ZSWIM8: variants seen among roughly 807,000 people sequenced by gnomAD.
The protein encoded by ZSWIM8 is zinc finger SWIM-type containing 8, also known as zinc finger SWIM domain-containing protein 8.
In ZSWIM8, 27 loss-of-function variants were observed where a neutral mutation model predicts 173.7. The ratio of observed to expected loss-of-function variants is 0.16; its 90% confidence interval spans 0.11 to 0.21. The LOEUF is 0.21. ZSWIM8 is among the 10% of genes least tolerant of loss of function. The probability of loss-of-function intolerance (pLI) is 1.00; values close to 1 mark genes in which losing one functional copy is unlikely to be tolerated. For missense variants in ZSWIM8, 1,627 were observed against 2,428.8 expected, an observed-to-expected ratio of 0.67 and a Z score of 6.94; for synonymous variants, 958 against 962.0, an observed-to-expected ratio of 1.00 and a Z score of 0.08.
chr10:73,785,736 C>A lies in ZSWIM8; in HGVS notation c.-143C>A. Reference sequence around the variant, plus strand: ...GTCTCTTTCCCAGGCCTGAGATTCTCGCCCGGCACGGCCGCCCTGAGCGCC... The same window carrying A: ...GTCTCTTTCCCAGGCCTGAGATTCTAGCCCGGCACGGCCGCCCTGAGCGCC... On this transcript the variant is annotated 5_prime_UTR_variant, in exon 1 of 26. Transcript: ENST00000604729. 1 of 841,740 alleles carries A rather than the reference C, an allele frequency of 1.2e-6. No homozygotes were observed. Among genetic ancestry groups the A allele is most frequent in the Non-Finnish European group, 1.9e-6 (1 of 526,748 alleles). The allele number at this position is 841,740 out of a possible 1,614,324, so 52.1% of individuals were successfully genotyped here. A position where few individuals can be genotyped will look rare whatever the true frequency, so the allele number is the denominator to read the frequency against.
Position 73,798,470 on chromosome 10 carries a change from TC to T in ZSWIM8, c.4176+18del, listed in dbSNP as rs770658745. 1.2e-6 allele frequency: 2 copies of T among 1,605,570 alleles called. No homozygotes were observed. The highest frequency in any genetic ancestry group is 2.2e-5 in the South Asian group (2 of 90,616). ...AAGGAACAGGTATTTCTACGGGCAA[TC>T]TGGGAACCTCTTCTGGGGCATCTGG... On this transcript the variant is annotated intron_variant, in intron 20 of 25. Coordinates refer to ENST00000604729, the MANE Select transcript of ZSWIM8 (RefSeq NM_001367799.1).
Position 73,792,084 on chromosome 10 carries a change from G to T in ZSWIM8, c.1545G>T (p.Arg515=), listed in dbSNP as rs768164436. The change falls in exon 10 of 26, where the codon CGG becomes CGT. Residue 515 remains arginine, a synonymous_variant. Transcript: ENST00000604729. This position sits in a 1 kb window ranked among gnomAD's most constrained non-coding sequence, Gnocchi z 4.3. ...ALCWARALPS[R]PGASRSGGLE... is the part of the protein sequence containing the mutation. ...GCTGGGCCCGGGCCCTGCCCTCTCG[G>T]CCAGGTGCCTCCCGCTCTGGGGGCC... The T allele has an allele frequency of 9.9e-5, 152 of 1,532,938 alleles. No individual in the cohort carries two copies. The highest frequency in any genetic ancestry group is 1.3e-4 in the Non-Finnish European group (145 of 1,133,826). 95.0% of individuals were successfully genotyped at this position (1,532,938 alleles called of 1,614,324 possible).
In ZSWIM8 at chr10:73,800,882, C is replaced by T. The variant is rs1389254248; in HGVS notation, c.5122+123C>T. 4.2e-6 allele frequency: 5 copies of T among 1,179,336 alleles called. No individual in the cohort carries two copies. The highest frequency in any genetic ancestry group is 3.1e-5 in the African/African-American group (2 of 65,570). 73.1% of individuals were successfully genotyped at this position (1,179,336 alleles called of 1,614,324 possible). ...GGCCTTGGTCGGGTATGTGTGCGTG[C>T]GCGGGGGGCGGAGGGTTACCTCAGC... On this transcript the variant is annotated intron_variant, in intron 24 of 25. Coordinates refer to ENST00000604729, the MANE Select transcript of ZSWIM8 (RefSeq NM_001367799.1). This position sits in a 1 kb window ranked among gnomAD's most constrained non-coding sequence, Gnocchi z 4.1.
intron 15 of ZSWIM8, chr10:73,796,416 TCTTGGGGACA>T: frequency 2.4e-6 from 1 of 409,182 alleles, no homozygotes; most frequent in Non-Finnish European, 4.6e-6. Context: ...AAGTAGGGAA[TCTTGGGGACA>T]TCTCATAAAG....
chr10:73,790,373 C>T, intron 7 of ZSWIM8, 81 bp downstream of exon 7: 2 of 1,520,932 alleles, frequency 1.3e-6, no homozygotes, highest in East Asian at 4.5e-5. Flanking sequence ...TTCTTCTATT[C>T]ATGCCTGTGA....
chr10:73,799,388 C>CT lies in ZSWIM8; in HGVS notation c.4564dup (p.Cys1522LeufsTer2), dbSNP rs2083813467. 1 of 1,611,922 alleles carries CT rather than the reference C, an allele frequency of 6.2e-7. No homozygotes were observed. Among genetic ancestry groups the CT allele is most frequent in the African/African-American group, 1.3e-5 (1 of 74,840 alleles). ...ACACTGCTCTACAGCCCCACCTGCC[C>CT]TGTAGCCCTCAGTATCTCACTCACC... On this transcript the variant is annotated frameshift_variant, in exon 21 of 26. Transcript: ENST00000604729. LOFTEE classifies it high-confidence loss of function.
Position 73,797,128 on chromosome 10 carries a change from C to T in ZSWIM8, c.3290C>T (p.Ser1097Phe). 1 of 1,613,520 alleles carries T rather than the reference C, an allele frequency of 6.2e-7. No homozygotes were observed. The highest frequency in any genetic ancestry group is 8.5e-7 in the Non-Finnish European group (1 of 1,179,686). Residue 1097 changes from serine to phenylalanine, a missense_variant, in exon 17 of 26, where the codon TCC becomes TTC. Coordinates refer to ENST00000604729, the MANE Select transcript of ZSWIM8 (RefSeq NM_001367799.1). The surrounding 1 kb of genome is among the most constrained non-coding windows in gnomAD (Gnocchi z 5.6). ...CCTCACCTAGAGAGTTCCCCACATT[C>T]CCCCTGTGAGGGTCTTCCATCTGAG... ...EKNVPESSPH[S>F]PCEGLPSEAA...
At position 73,792,337 on chromosome 10, in the gene ZSWIM8, G is replaced by A. The variant is rs1311240019; in HGVS notation, c.1798G>A (p.Gly600Ser). 1 of 1,613,000 alleles carries A rather than the reference G, an allele frequency of 6.2e-7. No individual in the cohort carries two copies. The highest frequency in any genetic ancestry group is 1.1e-5 in the South Asian group (1 of 91,002). Residue 600 changes from glycine (G) to serine (S), a missense_variant, in exon 10 of 26, where the codon GGT (glycine) becomes AGT (serine). This residue lies in a region of ZSWIM8 where 383 missense variants were observed against 394.8 expected (regional missense o/e 0.97). Coordinates refer to ENST00000604729, the MANE Select transcript of ZSWIM8 (RefSeq NM_001367799.1). The surrounding 1 kb of genome is among the most constrained non-coding windows in gnomAD (Gnocchi z 4.3). ...GAGSGSKGSA[G>S]GGSKRRLSSE... ...TGGCAGTGGGAGCAAGGGCTCAGCA[G>A]GTGGCGGAAGCAAGCGACGGCTGAG...
In ZSWIM8 at chr10:73,791,876, C is replaced by T. The variant is rs766379336; in HGVS notation, c.1337C>T (p.Thr446Met). 38 of 1,533,496 alleles carry T rather than the reference C, an allele frequency of 2.5e-5. No individual in the cohort carries two copies. The South Asian group carries it at 2.8e-4, about 11-fold the overall frequency. The allele number at this position is 1,533,496 out of a possible 1,614,324, so 95.0% of individuals were successfully genotyped here. ...LSPQRRRELC[T>M]QLRQWQLKVI... Reference sequence around the variant, plus strand: ...TCCCACAGGCGCCGGGAACTGTGTACGCAGCTGCGGCAGTGGCAACTGAAG... The same window carrying T: ...TCCCACAGGCGCCGGGAACTGTGTATGCAGCTGCGGCAGTGGCAACTGAAG... The change falls in exon 10 of 26, where the codon ACG becomes ATG. Residue 446 changes from threonine to methionine, a missense_variant. Thr to Met is a moderately conservative substitution (Grantham distance 81, BLOSUM62 -1). Coordinates refer to ENST00000604729, the MANE Select transcript of ZSWIM8 (RefSeq NM_001367799.1). The surrounding 1 kb of genome is among the most constrained non-coding windows in gnomAD (Gnocchi z 6.0).
rs769833292 is a variant in ZSWIM8, at chr10:73,792,780, C to T, written c.2241C>T (p.Ala747=). Residue 747 remains alanine (A), a synonymous_variant, in exon 10 of 26, where the codon GCC becomes GCT. Transcript: ENST00000604729. The surrounding 1 kb of genome is among the most constrained non-coding windows in gnomAD (Gnocchi z 4.3). ...QDGAGGEEEK[A]EGGAGEEHDL... is the part of the protein sequence containing the mutation. ...GGGCTGGGGGCGAGGAAGAGAAGGC[C>T]GAGGGCGGGGCTGGGGAGGAGCACG... 4.7e-5 allele frequency: 75 copies of T among 1,608,444 alleles called. No individual in the cohort carries two copies. The East Asian group carries it at 4.7e-4, about 10-fold the overall frequency.
chr10:73,786,694 G>A (rs186484165), intron 1 of ZSWIM8: 36 of 152,406 alleles, frequency 2.4e-4, no homozygotes, highest in African/African-American at 8.7e-4. Context: ...TAGTTCATAG[G>A]TTTAGATCAT....
rs1367691692 is a variant in ZSWIM8 at position 73,797,127 on chromosome 10, T to C, written c.3289T>C (p.Ser1097Pro). The change falls in exon 17 of 26, where the codon TCC (serine) becomes CCC (proline). Residue 1097 changes from serine to proline, a missense_variant. Coordinates refer to ENST00000604729, the MANE Select transcript of ZSWIM8 (RefSeq NM_001367799.1). The surrounding 1 kb of genome is among the most constrained non-coding windows in gnomAD (Gnocchi z 5.6). Reference protein sequence around the residue: ...EKNVPESSPHSPCEGLPSEAA... With the variant: ...EKNVPESSPHPPCEGLPSEAA... ...TCCTCACCTAGAGAGTTCCCCACATTCCCCCTGTGAGGGTCTTCCATCTGA... is the reference window on the plus strand; with the variant it reads ...TCCTCACCTAGAGAGTTCCCCACATCCCCCCTGTGAGGGTCTTCCATCTGA... 1.2e-6 allele frequency: 2 copies of C among 1,613,430 alleles called. No individual in the cohort carries two copies. Among genetic ancestry groups the C allele is most frequent in the East Asian group, 2.2e-5 (1 of 44,866 alleles).
Position 73,789,353 on chromosome 10 carries a change from C to T in ZSWIM8, c.458-14C>T. The T allele has an allele frequency of 2.6e-6, 4 of 1,552,222 alleles. No individual in the cohort carries two copies. Among genetic ancestry groups the T allele is most frequent in the Non-Finnish European group, 3.5e-6 (4 of 1,147,026 alleles). On this transcript the variant is annotated splice_polypyrimidine_tract_variant and intron_variant, in intron 3 of 25. Transcript: ENST00000604729. The surrounding 1 kb of genome is among the most constrained non-coding windows in gnomAD (Gnocchi z 6.8). The stretch of plus-strand genomic sequence containing the variant: ...CTGACAGCACTCCCTGACCATGCCC[C>T]CATTTCTCCCCAGGGTTCCACCTGA...
At chr10:73,793,473 C>T (rs577980849) in intron 10 of ZSWIM8, 115 bp from the exon 11 acceptor site, 7 of 1,223,730 alleles carry the variant, frequency 5.7e-6, no homozygotes, top group African/African-American at 3.0e-5. Flanking sequence ...TATGGAGCGG[C>T]ACAGGGCCTG....
intron 7 of ZSWIM8, 40 bp from the exon 8 acceptor site, chr10:73,790,935 C>T (rs748526566): frequency 2.4e-5 from 37 of 1,557,268 alleles, no homozygotes; most frequent in East Asian, 1.4e-4. Flanking sequence ...CATTCAGCCC[C>T]GTCTTACTGT....
At chr10:73,787,528 A>C (rs577357883) in intron 1 of ZSWIM8, among the ~76,000 whole-genome samples, 1 of 152,292 alleles carries the variant, frequency 6.6e-6, no homozygotes, top group African/African-American at 2.4e-5. Context: ...ATATTACCCC[A>C]GTCCCCCGAC....
intron 13 of ZSWIM8, 26 bp from the exon 14 acceptor site, chr10:73,794,515 C>T (rs202124985): frequency 1.3e-6 from 2 of 1,564,374 alleles, no homozygotes; most frequent in Non-Finnish European, 1.7e-6. Flanking sequence ...CTTCTGTCTG[C>T]CTGACTTACC....
Position 73,797,145 on chromosome 10 carries a change from C to T in ZSWIM8, c.3307C>T (p.Pro1103Ser), listed in dbSNP as rs373327893. The T allele has an allele frequency of 7.4e-6, 12 of 1,613,604 alleles. No individual in the cohort carries two copies. Among genetic ancestry groups the T allele is most frequent in the East Asian group, 2.2e-5 (1 of 44,894 alleles). ...CCCACATTCCCCCTGTGAGGGTCTT[C>T]CATCTGAGGCAGCTTTGACCCCAAG... ...SSPHSPCEGL[P>S]SEAALTPRPE... The change falls in exon 17 of 26, where the codon CCA becomes TCA. Residue 1103 changes from proline to serine, a missense_variant. Coordinates refer to ENST00000604729, the MANE Select transcript of ZSWIM8 (RefSeq NM_001367799.1). The surrounding 1 kb of genome is among the most constrained non-coding windows in gnomAD (Gnocchi z 5.6).
At chr10:73,788,863 T>A in intron 2 of ZSWIM8, 40 bp downstream of exon 2, 3 of 1,608,736 alleles carry the variant, frequency 1.9e-6, no homozygotes, top group Non-Finnish European at 2.5e-6. Context: ...GGGGTCCTGA[T>A]ACTCCACACT....
Sources: gnomAD v4.1 joint callset for allele counts (sites outside exome capture counted in the v4.1 genomes callset) on GRCh38, gnomAD v4.1.1 for gene constraint, gnomAD v4.1.1 regional missense constraint, Gnocchi (gnomAD v3.1) non-coding constraint, MANE v1.5 for transcripts, NCBI Gene and HGNC (gene_info 2026-07-23, HGNC 2026-07-21) for gene names.